Variants in DPP9 observed in about 807,000 individuals in gnomAD.
The protein encoded by DPP9 is dipeptidyl peptidase IV-related protein-2.
Under a neutral mutation model 110.7 loss-of-function variants are expected in DPP9, and 50 were observed. The ratio of observed to expected loss-of-function variants is 0.45; its 90% CI spans 0.36 to 0.57. The LOEUF is 0.57. Ranked by LOEUF, DPP9 falls within the 20% of genes least tolerant of loss-of-function variation. The pLI is 0.00. For missense variants in DPP9, 1,022 were observed against 1,217.9 expected, an observed-to-expected ratio of 0.84 and a Z score of 2.39; for synonymous variants, 561 against 514.4, an observed-to-expected ratio of 1.09 and a Z score of -1.23.
In DPP9 at chr19:4,684,776, T is replaced by C; in HGVS notation, c.2065A>G (p.Lys689Glu). Residue 689 changes from lysine to glutamate, a missense_variant, in exon 18 of 22, where the codon AAG becomes GAG. Physicochemically the swap from Lys to Glu is moderately conservative, Grantham distance 56. This residue lies in a region of DPP9 where 209 missense variants were observed against 280.4 expected (regional missense o/e 0.75). Transcript: ENST00000262960. The surrounding 1 kb of genome is among the most constrained non-coding windows in gnomAD (Gnocchi z 4.8). ...GCCAGTGTGTTGAGCCGCAAGTACT[T>C]GATGCCTTTGAAGGAGTTATTCACC... ...QLVNNSFKGI[K>E]YLRLNTLASL... The C allele has an allele frequency of 6.2e-7, 1 of 1,601,044 alleles. No homozygotes were observed. Among genetic ancestry groups the C allele is most frequent in the Non-Finnish European group, 8.5e-7 (1 of 1,174,360 alleles).
rs142503196 is a variant in DPP9, at chr19:4,687,834, G to A, written c.1885+923C>T. ...TTTTTTTGAGACGGAGTCTCGCTCTGTCGCCCAGGCTAAAGTACAGTGGTG... is the reference window on the plus strand; with the variant it reads ...TTTTTTTGAGACGGAGTCTCGCTCTATCGCCCAGGCTAAAGTACAGTGGTG... On this transcript the variant is annotated intron_variant, in intron 16 of 21. Coordinates refer to ENST00000262960, the MANE Select transcript of DPP9 (RefSeq NM_139159.5). The surrounding 1 kb of genome is among the most constrained non-coding windows in gnomAD (Gnocchi z 4.7). Among the ~76,000 whole-genome samples, 2 of 152,126 alleles carry A rather than the reference G, an allele frequency of 1.3e-5. No homozygotes were observed. The highest frequency in any genetic ancestry group is 2.9e-5 in the Non-Finnish European group (2 of 68,006).
At position 4,689,260 on chromosome 19, in the gene DPP9, G is replaced by A. The variant is rs1186856588; in HGVS notation, c.1749+310C>T. 1.3e-5 allele frequency among the ~76,000 whole-genome samples: 2 copies of A among 152,208 alleles called. No homozygotes were observed. Among genetic ancestry groups the A allele is most frequent in the South Asian group, 2.1e-4 (1 of 4,836 alleles). ...AGGGGTGGCCCTCTGCATGGCCACC[G>A]CCTGACATTCTAGAATGTTCTGAGA... On this transcript the variant is annotated intron_variant, in intron 15 of 21. Transcript: ENST00000262960. The surrounding 1 kb of genome is among the most constrained non-coding windows in gnomAD (Gnocchi z 7.0).
At chr19:4,712,467 C>T (rs993152937) in intron 4 of DPP9, among the ~76,000 whole-genome samples, 7 of 152,206 alleles carry the variant, frequency 4.6e-5, no homozygotes, top group African/African-American at 1.7e-4. Context: ...GGGATGATCA[C>T]CTGAGCCAGG....
chr19:4,680,065 A>T (rs2089598184), intron 20 of DPP9, 119 bp from the exon 21 acceptor site: 2 of 662,876 alleles, frequency 3.0e-6, no homozygotes, highest in African/African-American at 3.7e-5. Flanking sequence ...CCCTGTCTCT[A>T]CTAAAAATAT....
Position 4,685,837 on chromosome 19 carries a change from C to G in DPP9, c.1886-66G>C. 2.5e-6 allele frequency: 4 copies of G among 1,571,104 alleles called. No individual in the cohort carries two copies. The highest frequency in any genetic ancestry group is 3.5e-6 in the Non-Finnish European group (4 of 1,157,384). ...CACATCCAGCTGACACCCTTGTTCT[C>G]CTGCCCACCCCAAGCCTTGGAGGGT... On this transcript the variant is annotated intron_variant, in intron 16 of 21. Transcript: ENST00000262960. The surrounding 1 kb of genome is among the most constrained non-coding windows in gnomAD (Gnocchi z 5.8).
chr19:4,707,554 C>T (rs2092645377), intron 4 of DPP9, among the ~76,000 whole-genome samples: 1 of 151,592 alleles, frequency 6.6e-6, no homozygotes, highest in Non-Finnish European at 1.5e-5. Context: ...CTGAGTTTCT[C>T]CAGGACGAAG....
chr19:4,701,692 G>A (rs1029313460), intron 9 of DPP9, among the ~76,000 whole-genome samples: 2 of 152,196 alleles, frequency 1.3e-5, no homozygotes, highest in African/African-American at 4.8e-5. Context: ...ACATGGCTAC[G>A]CCCATTCCTG....
chr19:4,702,440 C>T (rs1191300769), intron 8 of DPP9, among the ~76,000 whole-genome samples, 163 bp downstream of exon 8: 1 of 152,132 alleles, frequency 6.6e-6, no homozygotes, highest in Non-Finnish European at 1.5e-5. Flanking sequence ...CCTCTTAGGG[C>T]AACAGCGATG....
At chr19:4,707,413 C>T (rs991189085) in intron 4 of DPP9, among the ~76,000 whole-genome samples, 2 of 152,028 alleles carry the variant, frequency 1.3e-5, no homozygotes, top group African/African-American at 2.4e-5. Flanking sequence ...CCTCTCCATG[C>T]GACACCACTG....
Position 4,685,382 on chromosome 19 carries a change from C to T in DPP9, c.2031+244G>A. On this transcript the variant is annotated intron_variant, in intron 17 of 21. Coordinates refer to ENST00000262960, the MANE Select transcript of DPP9 (RefSeq NM_139159.5). This position sits in a 1 kb window ranked among gnomAD's most constrained non-coding sequence, Gnocchi z 5.8. ...TCCTAGAGGAACAAGGGAGAGTCAG[C>T]AGGCGGAGGGGGAAGGGGAGGCCAT... 1 of 652,140 alleles carries T rather than the reference C, an allele frequency of 1.5e-6. No individual in the cohort carries two copies. Among genetic ancestry groups the T allele is most frequent in the Non-Finnish European group, 2.8e-6 (1 of 353,220 alleles). 40.4% of individuals were successfully genotyped at this position (652,140 alleles called of 1,614,324 possible).
At position 4,698,525 on chromosome 19, in the gene DPP9, G is replaced by C. The variant is rs1439298316; in HGVS notation, c.1075-874C>G. On this transcript the variant is annotated intron_variant, in intron 10 of 21. Transcript: ENST00000262960. This position sits in a 1 kb window ranked among gnomAD's most constrained non-coding sequence, Gnocchi z 4.2. Reference sequence around the variant, plus strand: ...CCAGCACCTTGAGAGGCTGAGGCAGGTGGATCACTTGAGGTCAGGAGTTCG... The same window carrying C: ...CCAGCACCTTGAGAGGCTGAGGCAGCTGGATCACTTGAGGTCAGGAGTTCG... Among the ~76,000 whole-genome samples the C allele has an allele frequency of 6.6e-6, 1 of 152,154 alleles. No individual in the cohort carries two copies. The highest frequency in any genetic ancestry group is 1.5e-5 in the Non-Finnish European group (1 of 68,026).
rs193022999 is a variant in DPP9, at chr19:4,685,719, C to T, written c.1938G>A (p.Ser646=). ...AGATCATGCCGTAGAGCCGCACATC[C>T]GAGCGCGTGTGGAAATGGAAGATCT... ...PPEIFHFHTR[S]DVRLYGMIYK... The change falls in exon 17 of 22, where the codon TCG becomes TCA. Residue 646 remains serine (S), a synonymous_variant. Transcript: ENST00000262960. The surrounding 1 kb of genome is among the most constrained non-coding windows in gnomAD (Gnocchi z 5.8). 2.4e-4 allele frequency: 382 copies of T among 1,613,474 alleles called. 1 individual carries two copies. The African/African-American group carries it at 3.6e-3, about 15-fold the overall frequency.
intron 16 of DPP9, 54 bp downstream of exon 16, chr19:4,688,703 G>T: frequency 7.3e-7 from 1 of 1,372,510 alleles, no homozygotes; most frequent in Non-Finnish European, 9.3e-7. Context: ...CCCTCGTCCC[G>T]TTTTACAGCC....
At chr19:4,703,684 A>AG in intron 7 of DPP9, among the ~76,000 whole-genome samples, 1 of 138,762 alleles carries the variant, frequency 7.2e-6, no homozygotes, top group East Asian at 2.0e-4. Context: ...AAAAAAAAAA[A>AG]GAAAGAAAGA....
chr19:4,702,223 G>A (rs1481563104), intron 8 of DPP9, 68 bp from the exon 9 acceptor site: 14 of 1,527,712 alleles, frequency 9.2e-6, no homozygotes, highest in African/African-American at 2.8e-5. Context: ...AGCACCCCCC[G>A]CCCCCTGCAG....
In DPP9 at chr19:4,679,859, T is replaced by C. The variant is rs1367978398; in HGVS notation, c.2562A>G (p.Arg854=). ...HTNFLVSQLI[R]AGKPYQLQIY... is the part of the protein sequence containing the mutation. ...CCTGGAGCTGGTAAGGTTTCCCTGC[T>C]CGGATCAGTTGGGAGACGAGGAAGT... The change falls in exon 21 of 22, where the codon CGA becomes CGG. Residue 854 remains arginine, a synonymous_variant. Transcript: ENST00000262960. 1.2e-6 allele frequency: 2 copies of C among 1,612,928 alleles called. No homozygotes were observed. The highest frequency in any genetic ancestry group is 1.7e-6 in the Non-Finnish European group (2 of 1,179,640).
In DPP9 at chr19:4,687,644, C is replaced by T. The variant is rs1459644044; in HGVS notation, c.1885+1113G>A. ...TGCTGTGGGCGGCAGCCTCTGGGCACAGGACACCATAAAGGGCCCTCTGCA... is the reference window on the plus strand; with the variant it reads ...TGCTGTGGGCGGCAGCCTCTGGGCATAGGACACCATAAAGGGCCCTCTGCA... On this transcript the variant is annotated intron_variant, in intron 16 of 21. Coordinates refer to ENST00000262960, the MANE Select transcript of DPP9 (RefSeq NM_139159.5). The surrounding 1 kb of genome is among the most constrained non-coding windows in gnomAD (Gnocchi z 4.7). 6.6e-6 allele frequency among the ~76,000 whole-genome samples: 1 copy of T among 152,158 alleles called. No individual in the cohort carries two copies. Among genetic ancestry groups the T allele is most frequent in the African/African-American group, 2.4e-5 (1 of 41,434 alleles).
At chr19:4,707,612 C>T (rs1416344095) in intron 4 of DPP9, among the ~76,000 whole-genome samples, 5 of 137,600 alleles carry the variant, frequency 3.6e-5, no homozygotes, top group Admixed American at 7.4e-5. Flanking sequence ...TCCTCATACT[C>T]GCTTTTTTTT....
intron 19 of DPP9, chr19:4,683,160 C>A: frequency 6.9e-7 from 1 of 1,439,856 alleles, no homozygotes; most frequent in East Asian, 2.9e-5. Flanking sequence ...GGCCTGGGGC[C>A]CCCCCGCCGC....
Sources: gnomAD v4.1 joint callset for allele counts (sites outside exome capture counted in the v4.1 genomes callset) on GRCh38, gnomAD v4.1.1 for gene constraint, gnomAD v4.1.1 regional missense constraint, Gnocchi (gnomAD v3.1) non-coding constraint, MANE v1.5 for transcripts, NCBI Gene and HGNC (gene_info 2026-07-23, HGNC 2026-07-21) for gene names.